CCDC91: variants seen among roughly 807,000 people sequenced by gnomAD.
CCDC91 encodes coiled-coil domain-containing protein 91.
Under a neutral mutation model 63.2 loss-of-function variants are expected in CCDC91, and 48 were observed. That is an observed-to-expected ratio of 0.76 (90% CI 0.60 to 0.97). The LOEUF (loss-of-function observed/expected upper bound fraction) is 0.97. Among genes scored for constraint, CCDC91 ranks in the 50% least tolerant of loss-of-function variants. The pLI is 0.00. For missense variants in CCDC91, 500 were observed against 494.6 expected (o/e 1.01, Z -0.10); for synonymous variants, 167 against 165.8 (o/e 1.01, Z -0.06).
At chr12:28,215,659 A>G (rs567039771) in intron 1 of CCDC91, among the ~76,000 whole-genome samples, 73 of 152,216 alleles carry the variant, frequency 4.8e-4, no homozygotes, top group African/African-American at 1.7e-3. Context: ...AAGGAAGATG[A>G]AAAAAAGTGA....
At chr12:28,290,422 A>G (rs1949172123) in intron 3 of CCDC91, among the ~76,000 whole-genome samples, 1 of 152,036 alleles carries the variant, frequency 6.6e-6, no homozygotes, top group South Asian at 2.1e-4. Context: ...GGGTCTCTTG[A>G]AGGCAGCATA....
chr12:28,397,779 T>A (rs539149055), intron 8 of CCDC91, among the ~76,000 whole-genome samples: 1 of 152,280 alleles, frequency 6.6e-6, no homozygotes, highest in South Asian at 2.1e-4. Context: ...TTAATAGATA[T>A]ATATAAAATG....
At chr12:28,272,457 C>T (rs1372254533) in intron 3 of CCDC91, among the ~76,000 whole-genome samples, 1 of 143,114 alleles carries the variant, frequency 7.0e-6, no homozygotes, top group East Asian at 2.4e-4. Context: ...ACTCTCTCTA[C>T]TATGTCCATT....
chr12:28,482,735 C>G (rs971203651), intron 11 of CCDC91, among the ~76,000 whole-genome samples: 1 of 151,840 alleles, frequency 6.6e-6, no homozygotes, highest in Admixed American at 6.6e-5. Flanking sequence ...TCAAAAGATA[C>G]ATTGAGTTTA....
At chr12:28,368,664 A>G (rs1944424162) in intron 7 of CCDC91, among the ~76,000 whole-genome samples, 1 of 152,134 alleles carries the variant, frequency 6.6e-6, no homozygotes, top group Non-Finnish European at 1.5e-5. Flanking sequence ...TAGTTGTTAC[A>G]TGTTAATGTT....
At chr12:28,401,432 C>T (rs532311209) in intron 8 of CCDC91, among the ~76,000 whole-genome samples, 6 of 152,168 alleles carry the variant, frequency 3.9e-5, no homozygotes, top group South Asian at 2.1e-4. Context: ...GTACCTCCCA[C>T]GACATGTGGG....
At chr12:28,278,406 A>G (rs1159003317) in intron 3 of CCDC91, among the ~76,000 whole-genome samples, 1 of 152,044 alleles carries the variant, frequency 6.6e-6, no homozygotes, top group Non-Finnish European at 1.5e-5. Context: ...TTATGCCATC[A>G]TTCTTGACCC....
intron 1 of CCDC91, among the ~76,000 whole-genome samples, chr12:28,205,879 T>TTC (rs1309373413): frequency 6.6e-6 from 1 of 152,232 alleles, no homozygotes; most frequent in African/African-American, 2.4e-5. Flanking sequence ...GCTTTAGCAG[T>TTC]TCTCCCCTTT....
intron 12 of CCDC91, among the ~76,000 whole-genome samples, chr12:28,487,095 A>G (rs935286216): frequency 1.3e-5 from 2 of 151,958 alleles, no homozygotes; most frequent in African/African-American, 4.8e-5. Flanking sequence ...CTCTGAATTT[A>G]AAGTGTGAAT....
chr12:28,433,713 T>C (rs1343308703), intron 8 of CCDC91, among the ~76,000 whole-genome samples: 1 of 152,002 alleles, frequency 6.6e-6, no homozygotes, highest in African/African-American at 2.4e-5. Context: ...CTGTAATCTT[T>C]AGAATCAGTT....
chr12:28,335,374 A>G lies in CCDC91; in HGVS notation c.577-27064A>G, dbSNP rs1026064431. 9.8e-5 allele frequency among the ~76,000 whole-genome samples: 13 copies of G among 133,058 alleles called. 1 individual carries two copies. Among genetic ancestry groups the G allele is most frequent in the African/African-American group, 3.4e-4 (13 of 38,024 alleles). 87.3% of individuals were successfully genotyped at this position (133,058 alleles called of 152,430 possible). A position where few individuals can be genotyped will look rare whatever the true frequency, so the allele number is the denominator to read the frequency against. ...TTAAATATATATTCACATATAAAAT[A>G]TATATTTATATATAAATATTATGTA... On this transcript the variant is annotated intron_variant, in intron 6 of 12. Coordinates refer to ENST00000536442, the MANE Select transcript of CCDC91 (RefSeq NM_018318.5).
intron 1 of CCDC91, among the ~76,000 whole-genome samples, chr12:28,230,860 A>G (rs1208454300): frequency 6.6e-6 from 1 of 152,132 alleles, no homozygotes; most frequent in Non-Finnish European, 1.5e-5. Flanking sequence ...CCTGGACTCA[A>G]GTGATCTGCC....
rs145210682 is a variant in CCDC91 at position 28,299,299 on chromosome 12, A to G, written c.110-6350A>G. Among the ~76,000 whole-genome samples, 544 of 151,630 alleles carry G rather than the reference A, an allele frequency of 3.6e-3. 7 individuals are homozygous for G. The highest frequency in any genetic ancestry group is 0.013 in the African/African-American group (526 of 41,494). On this transcript the variant is annotated intron_variant, in intron 3 of 12. Coordinates refer to ENST00000536442, the MANE Select transcript of CCDC91 (RefSeq NM_018318.5). ...GTTAACATTTTACCACATTTGCTTT[A>G]TCATTTTCTTCCCTTTCCTTCTCAT...
intron 8 of CCDC91, chr12:28,412,648 C>T (rs1200373898): frequency 2.5e-6 from 1 of 398,242 alleles, no homozygotes; most frequent in Non-Finnish European, 5.0e-6. Flanking sequence ...AAGGACAAAG[C>T]TTCCAGAGCA....
Position 28,428,573 on chromosome 12 carries a change from C to CAAA in CCDC91, c.763-21588_763-21587insAAA, listed in dbSNP as rs1438921507. On this transcript the variant is annotated intron_variant, in intron 8 of 12. Transcript: ENST00000536442. ...AACAAGAGTGAAACTCCGTCTCTCC[C>CAAA]CAAAAAAAAAAAAAAAAAAAAAAAA... Among the ~76,000 whole-genome samples the CAAA allele has an allele frequency of 4.2e-3, 272 of 65,202 alleles. 12 individuals are homozygous for CAAA. The highest frequency in any genetic ancestry group is 0.019 in the African/African-American group (225 of 11,830). The allele number at this position is 65,202 out of a possible 152,430, so 42.8% of individuals were successfully genotyped here. A position where few individuals can be genotyped will look rare whatever the true frequency, so the allele number is the denominator to read the frequency against.
chr12:28,436,867 A>G (rs1181553741), intron 8 of CCDC91, among the ~76,000 whole-genome samples: 1 of 151,820 alleles, frequency 6.6e-6, no homozygotes, highest in African/African-American at 2.4e-5. Context: ...CTCTCCTCCA[A>G]TCTTGTAGTT....
At chr12:28,471,515 A>G (rs1306346689) in intron 11 of CCDC91, among the ~76,000 whole-genome samples, 1 of 152,144 alleles carries the variant, frequency 6.6e-6, no homozygotes, top group Non-Finnish European at 1.5e-5. Flanking sequence ...ACCCTCAAGA[A>G]TAGGACTGAG....
chr12:28,204,500 A>G (rs1490432405), intron 1 of CCDC91, among the ~76,000 whole-genome samples: 1 of 152,176 alleles, frequency 6.6e-6, no homozygotes, highest in African/African-American at 2.4e-5. Flanking sequence ...CAAAATTAGC[A>G]ATTCCTAGTG....
intron 12 of CCDC91, among the ~76,000 whole-genome samples, chr12:28,489,110 C>T (rs1254948588): frequency 1.3e-5 from 2 of 151,944 alleles, no homozygotes; most frequent in Non-Finnish European, 2.9e-5. Flanking sequence ...TGTTTACCAA[C>T]TCCTGTTCTA....
Sources: gnomAD v4.1 joint callset for allele counts (sites outside exome capture counted in the v4.1 genomes callset) on GRCh38, gnomAD v4.1.1 for gene constraint, MANE v1.5 for transcripts, NCBI Gene and HGNC (gene_info 2026-07-23, HGNC 2026-07-21) for gene names.